GRIK4: variants seen among roughly 807,000 people sequenced by gnomAD.
The protein encoded by GRIK4 is glutamate receptor ionotropic, kainate 4.
A neutral mutation model predicts 104.9 loss-of-function variants in GRIK4; 40 were observed. The observed-to-expected ratio is 0.38, with a 90% CI of 0.30 to 0.50. The LOEUF (loss-of-function observed/expected upper bound fraction) is 0.50, where lower values mean the gene tolerates loss of function less well. Among genes scored for constraint, GRIK4 ranks in the 20% least tolerant of loss-of-function variants. The probability of loss-of-function intolerance (pLI) is 0.93; values close to 1 mark genes in which losing one functional copy is unlikely to be tolerated. For synonymous variants in GRIK4, 485 were observed against 524.9 expected (o/e 0.92, Z 1.04); for missense variants, 1,047 against 1,308.1 (o/e 0.80, Z 3.08).
rs769438095 is a variant in GRIK4 at position 120,967,021 on chromosome 11, C to T, written c.2267-174C>T. 7.2e-5 allele frequency among the ~76,000 whole-genome samples: 11 copies of T among 152,166 alleles called. No individual in the cohort carries two copies. Among genetic ancestry groups the T allele is most frequent in the Non-Finnish European group, 1.5e-4 (10 of 68,028 alleles). The stretch of plus-strand genomic sequence containing the variant: ...ATGCCCCGCTCTTCCGGGGGAGCCC[C>T]AGTGGAGTAGACAGCACTGGCCCCA... On this transcript the variant is annotated intron_variant, in intron 18 of 20. Coordinates refer to ENST00000527524, the MANE Select transcript of GRIK4 (RefSeq NM_014619.5). The surrounding 1 kb of genome is among the most constrained non-coding windows in gnomAD (Gnocchi z 4.2).
chr11:120,561,478 C>T (rs772844599), intron 1 of GRIK4, among the ~76,000 whole-genome samples: 2 of 152,216 alleles, frequency 1.3e-5, no homozygotes, highest in Non-Finnish European at 2.9e-5. Context: ...CTCTAGGTCC[C>T]TTCTGCTGCT....
At chr11:120,839,412 AC>A in intron 8 of GRIK4, among the ~76,000 whole-genome samples, 2 of 152,302 alleles carry the variant, frequency 1.3e-5, no homozygotes, top group South Asian at 4.1e-4. Context: ...AGTTTACTTA[AC>A]CTTTCTGAGC....
At chr11:120,901,884 A>AG (rs1942747043) in intron 12 of GRIK4, among the ~76,000 whole-genome samples, 1 of 152,110 alleles carries the variant, frequency 6.6e-6, no homozygotes, top group African/African-American at 2.4e-5. Flanking sequence ...CGTGCTCATG[A>AG]GGGGTGGGGT....
chr11:120,812,151 A>G (rs1301719261), intron 4 of GRIK4, among the ~76,000 whole-genome samples: 2 of 152,216 alleles, frequency 1.3e-5, no homozygotes, highest in African/African-American at 4.8e-5. Flanking sequence ...GCTGGCAGAG[A>G]GTGAGAAGGT....
chr11:120,802,118 T>C (rs928502073), intron 3 of GRIK4, among the ~76,000 whole-genome samples: 2 of 152,200 alleles, frequency 1.3e-5, no homozygotes, highest in African/African-American at 4.8e-5. Flanking sequence ...CTCTTTCTAA[T>C]GTTCAGTGAG....
Position 120,819,864 on chromosome 11 carries a change from G to A in GRIK4, c.455G>A (p.Gly152Glu). Residue 152 changes from glycine to glutamate, a missense_variant, in exon 6 of 21, where the codon GGG becomes GAG. Physicochemically the swap from Gly to Glu is moderately conservative, Grantham distance 98 (BLOSUM62 -2). Transcript: ENST00000527524. This position sits in a 1 kb window ranked among gnomAD's most constrained non-coding sequence, Gnocchi z 4.3. The part of the protein sequence containing the change: ...SNTDISVAVA[G>E]ILNFFNCTTA... ...ACTGACATCAGCGTGGCTGTAGCTG[G>A]GATCCTGAACTTCTTCAACTGCACC... 1 of 1,614,118 alleles carries A rather than the reference G, an allele frequency of 6.2e-7. No individual in the cohort carries two copies. Among genetic ancestry groups the A allele is most frequent in the Non-Finnish European group, 8.5e-7 (1 of 1,180,004 alleles).
chr11:120,894,804 TC>T (rs1486671803), intron 11 of GRIK4: 1 of 152,240 alleles, frequency 6.6e-6, no homozygotes, highest in African/African-American at 2.4e-5. Context: ...TCCTGCCCAC[TC>T]CTGGCACGTG....
intron 2 of GRIK4, among the ~76,000 whole-genome samples, chr11:120,658,736 T>C (rs1217955137): frequency 1.3e-5 from 1 of 75,274 alleles, no homozygotes; most frequent in Non-Finnish European, 2.3e-5. Flanking sequence ...ACTTTTTTTT[T>C]TTTTTTTTTT....
intron 3 of GRIK4, among the ~76,000 whole-genome samples, chr11:120,686,048 T>A (rs1950271966): frequency 6.6e-6 from 1 of 152,154 alleles, no homozygotes. Flanking sequence ...AGTCTCAGTA[T>A]ACCTTTAAAG....
intron 1 of GRIK4, among the ~76,000 whole-genome samples, chr11:120,632,477 T>G (rs1046383718): frequency 6.6e-6 from 1 of 152,072 alleles, no homozygotes; most frequent in Non-Finnish European, 1.5e-5. Context: ...TGTCCTGTAT[T>G]GTCAGGCTGG....
Position 120,899,561 on chromosome 11 carries a change from G to C in GRIK4, c.1272+922G>C, listed in dbSNP as rs539164449. 5.3e-5 allele frequency among the ~76,000 whole-genome samples: 8 copies of C among 152,192 alleles called. 1 individual carries two copies. In the South Asian group the frequency reaches 1.7e-3, roughly 32 times the overall value. On this transcript the variant is annotated intron_variant, in intron 12 of 20. Coordinates refer to ENST00000527524, the MANE Select transcript of GRIK4 (RefSeq NM_014619.5). The stretch of plus-strand genomic sequence containing the variant: ...GCCAGGTGCTGTACCCAGTCCTGGA[G>C]ACCAAAGATGAGTAGGACTCAGCTC...
intron 8 of GRIK4, chr11:120,858,361 T>C (rs1954172889): frequency 6.6e-6 from 1 of 152,208 alleles, no homozygotes; most frequent in African/African-American, 2.4e-5. Context: ...CACTTGACTT[T>C]GGATTTCTAA....
At chr11:120,842,794 A>G (rs1953750209) in intron 8 of GRIK4, among the ~76,000 whole-genome samples, 1 of 152,208 alleles carries the variant, frequency 6.6e-6, no homozygotes, top group Non-Finnish European at 1.5e-5. Flanking sequence ...TGCAAGACTG[A>G]TGGAAGTTTG....
intron 17 of GRIK4, 126 bp downstream of exon 17, chr11:120,961,200 T>A: frequency 1.2e-6 from 1 of 859,154 alleles, no homozygotes; most frequent in Admixed American, 2.8e-5. Flanking sequence ...AGTTTGGAGG[T>A]CCACATGGGG....
At chr11:120,771,878 A>G (rs988589924) in intron 3 of GRIK4, among the ~76,000 whole-genome samples, 1 of 152,256 alleles carries the variant, frequency 6.6e-6, no homozygotes, top group Admixed American at 6.5e-5. Context: ...CAGGAGTGAG[A>G]TCACCATGGA....
At chr11:120,583,206 T>C (rs1440986448) in intron 1 of GRIK4, among the ~76,000 whole-genome samples, 1 of 152,160 alleles carries the variant, frequency 6.6e-6, no homozygotes, top group African/African-American at 2.4e-5. Context: ...GGTTGTTTGG[T>C]TTTTGCTTGT....
At chr11:120,741,533 C>T (rs1242317934) in intron 3 of GRIK4, among the ~76,000 whole-genome samples, 1 of 152,146 alleles carries the variant, frequency 6.6e-6, no homozygotes, top group Admixed American at 6.5e-5. Context: ...CCGCCTCAGC[C>T]TCCCAAAGTG....
intron 3 of GRIK4, among the ~76,000 whole-genome samples, chr11:120,718,437 C>T (rs1950875295): frequency 6.6e-6 from 1 of 152,200 alleles, no homozygotes; most frequent in South Asian, 2.1e-4. Flanking sequence ...GCTTAGGCAG[C>T]CGCAAGTGGA....
intron 20 of GRIK4, among the ~76,000 whole-genome samples, chr11:120,984,789 A>C (rs1385435748): frequency 7.4e-6 from 1 of 135,148 alleles, no homozygotes; most frequent in East Asian, 2.2e-4. Flanking sequence ...AAAAACAAAC[A>C]AACAAACAAA....
Sources: allele counts gnomAD v4.1 joint callset (sites outside exome capture counted in the v4.1 genomes callset), GRCh38; gene constraint gnomAD v4.1.1; non-coding constraint Gnocchi (gnomAD v3.1); transcripts MANE v1.5; gene names NCBI Gene and HGNC (gene_info 2026-07-23, HGNC 2026-07-21).